Variants in RNF38 observed in about 807,000 individuals in gnomAD.
RNF38 encodes the protein E3 ubiquitin-protein ligase RNF38.
Under a neutral mutation model 67.2 loss-of-function variants are expected in RNF38, and 15 were observed. The observed-to-expected ratio is 0.22, with a 90% CI of 0.15 to 0.34. RNF38 has a LOEUF of 0.34. RNF38 is among the 10% of genes least tolerant of loss of function. RNF38 has a pLI of 1.00. For missense variants in RNF38, 524 were observed against 639.9 expected, an observed-to-expected ratio of 0.82 and a Z score of 1.95; for synonymous variants, 220 against 218.8, an observed-to-expected ratio of 1.01 and a Z score of -0.05.
chr9:36,409,782 C>T (rs577200113), intron 2 of RNF38, among the ~76,000 whole-genome samples: 1 of 152,300 alleles, frequency 6.6e-6, no homozygotes, highest in South Asian at 2.1e-4. Flanking sequence ...CCTGTATCCT[C>T]CTGCCCGTGC....
chr9:36,451,315 AT>A (rs1391356174), intron 1 of RNF38, among the ~76,000 whole-genome samples: 1 of 151,596 alleles, frequency 6.6e-6, no homozygotes, highest in Non-Finnish European at 1.5e-5. Flanking sequence ...AATAGAAAAG[AT>A]TAGCCAGGTG....
intron 1 of RNF38, among the ~76,000 whole-genome samples, chr9:36,399,504 T>C (rs979368012): frequency 1.4e-5 from 2 of 148,084 alleles, no homozygotes; most frequent in Non-Finnish European, 3.0e-5. Flanking sequence ...ATATATTATA[T>C]AATACCATAT....
At position 36,372,504 on chromosome 9, in the gene RNF38, C is replaced by A. The variant is rs1268979191; in HGVS notation, c.357-2572G>T. The A allele has an allele frequency of 8.4e-5, 60 of 710,842 alleles. No individual in the cohort carries two copies. In the Admixed American group the frequency reaches 1.2e-3, roughly 15 times the overall value. The allele number at this position is 710,842 out of a possible 1,614,324, so 44.0% of individuals were successfully genotyped here. ...CCTAGCTTTGTGCTCACCTCTGTAA[C>A]TGAAATCCTGCTAGATTATTGTTAA... On this transcript the variant is annotated intron_variant, in intron 3 of 11. Coordinates refer to ENST00000259605, the MANE Select transcript of RNF38 (RefSeq NM_022781.5).
upstream of RNF38, chr9:36,400,533 A>G (rs966624511): frequency 3.0e-6 from 3 of 990,580 alleles, no homozygotes; most frequent in Non-Finnish European, 1.2e-6. Context: ...CGCTGCAGCC[A>G]ACGGCCGCGG....
At chr9:36,349,731 T>C (rs1300232349) in intron 9 of RNF38, among the ~76,000 whole-genome samples, 7 of 152,204 alleles carry the variant, frequency 4.6e-5, no homozygotes. Flanking sequence ...CCCTGTTTTC[T>C]TTCAGCACTT....
intron 4 of RNF38, among the ~76,000 whole-genome samples, chr9:36,361,422 C>G (rs1321279314): frequency 2.8e-5 from 2 of 71,068 alleles, no homozygotes; most frequent in Non-Finnish European, 6.1e-5. Flanking sequence ...CTCGGCCTCC[C>G]AAAGTGCTGG....
chr9:36,385,033 G>A (rs1285272822), intron 2 of RNF38, among the ~76,000 whole-genome samples: 2 of 152,154 alleles, frequency 1.3e-5, no homozygotes, highest in Non-Finnish European at 2.9e-5. Context: ...ATGCGAAGTT[G>A]CCGAAGAACT....
chr9:36,366,501 T>G (rs1381989628), intron 4 of RNF38, among the ~76,000 whole-genome samples: 1 of 152,224 alleles, frequency 6.6e-6, no homozygotes. Context: ...TGTATATTCA[T>G]TTTTTGTAAC....
chr9:36,362,108 T>G (rs1387321275), intron 4 of RNF38, among the ~76,000 whole-genome samples: 1 of 152,054 alleles, frequency 6.6e-6, no homozygotes, highest in Non-Finnish European at 1.5e-5. Context: ...TGTAATCCCA[T>G]CACTTTGGGA....
Position 36,417,467 on chromosome 9 carries a change from A to T in RNF38, n.312+7146T>A, listed in dbSNP as rs1486896004. On this transcript the variant is annotated intron_variant and non_coding_transcript_variant, in intron 2 of 3. Coordinates refer to the RNF38 transcript ENST00000488058. ...TTTATTTTTGATATTTGAACTATTT[A>T]CCTAAAAGTACCAATAATAATTCTA... Among the ~76,000 whole-genome samples, 5 of 152,162 alleles carry T rather than the reference A, an allele frequency of 3.3e-5. No homozygotes were observed. In the South Asian group the frequency reaches 6.2e-4, roughly 19 times the overall value.
At chr9:36,462,622 G>A (rs1279273902) in intron 1 of RNF38, among the ~76,000 whole-genome samples, 1 of 151,750 alleles carries the variant, frequency 6.6e-6, no homozygotes, top group African/African-American at 2.4e-5. Flanking sequence ...AACTTCCTTC[G>A]AATTTCTGCT....
chr9:36,392,861 C>G (rs1337486950), intron 1 of RNF38, among the ~76,000 whole-genome samples: 2 of 151,940 alleles, frequency 1.3e-5, no homozygotes, highest in African/African-American at 4.8e-5. Flanking sequence ...TGCAAGCAGC[C>G]AACTGTAACA....
chr9:36,410,102 A>G (rs980670766), intron 2 of RNF38, among the ~76,000 whole-genome samples: 1 of 152,218 alleles, frequency 6.6e-6, no homozygotes, highest in Non-Finnish European at 1.5e-5. Context: ...TGGAATCTCT[A>G]ATCAGATATT....
In RNF38 at chr9:36,363,368, T is replaced by C. The variant is rs1834709215; in HGVS notation, c.571-5426A>G. On this transcript the variant is annotated intron_variant, in intron 4 of 11. Transcript: ENST00000259605. ...ACTAAGAATGGAATTGCTGGATTAC[T>C]GGGTAGGTGTATGTTTGACATGATT... Among the ~76,000 whole-genome samples the C allele has an allele frequency of 4.0e-5, 4 of 101,178 alleles. 2 individuals carry two copies. Among genetic ancestry groups the C allele is most frequent in the Non-Finnish European group, 1.0e-4 (4 of 38,818 alleles). 66.4% of individuals were successfully genotyped at this position (101,178 alleles called of 152,430 possible).
intron 4 of RNF38, among the ~76,000 whole-genome samples, chr9:36,363,466 T>C (rs1480145726): frequency 9.9e-6 from 1 of 100,852 alleles, no homozygotes; most frequent in East Asian, 2.5e-4. Flanking sequence ...TGTCAGTCTT[T>C]TTAATTTTGG....
intron 6 of RNF38, 45 bp from the exon 7 acceptor site, chr9:36,353,376 A>C (rs1455903720): frequency 7.9e-7 from 1 of 1,273,772 alleles, no homozygotes; most frequent in South Asian, 1.7e-5. Flanking sequence ...ATATATATAT[A>C]CTTCCTGTGT....
intron 1 of RNF38, among the ~76,000 whole-genome samples, chr9:36,425,249 A>C (rs1253016288): frequency 6.6e-6 from 1 of 152,220 alleles, no homozygotes; most frequent in African/African-American, 2.4e-5. Flanking sequence ...AAAAACACAA[A>C]CTATTCAACA....
At chr9:36,344,006 G>A (rs1406323745) in intron 10 of RNF38, among the ~76,000 whole-genome samples, 3 of 152,070 alleles carry the variant, frequency 2.0e-5, no homozygotes, top group Admixed American at 6.6e-5. Flanking sequence ...CCACTGAATT[G>A]TACTTTTTAA....
At chr9:36,380,658 A>G (rs1011591235) in intron 2 of RNF38, among the ~76,000 whole-genome samples, 1 of 152,134 alleles carries the variant, frequency 6.6e-6, no homozygotes, top group East Asian at 1.9e-4. Flanking sequence ...ATGACCAGCT[A>G]ATTAAAAAAA....
Sources: gnomAD v4.1 joint callset for allele counts (sites outside exome capture counted in the v4.1 genomes callset) on GRCh38, gnomAD v4.1.1 for gene constraint, MANE v1.5 for transcripts, NCBI Gene and HGNC (gene_info 2026-07-23, HGNC 2026-07-21) for gene names.